Variants in SPATA16 observed in about 807,000 individuals in gnomAD.
The protein encoded by SPATA16 is spermatogenesis associated 16, also known as spermatogenesis-associated protein 16.
A neutral mutation model predicts 63.3 loss-of-function variants in SPATA16; 36 were observed. That is an observed-to-expected ratio of 0.57 (90% CI 0.44 to 0.75). The LOEUF (loss-of-function observed/expected upper bound fraction) is 0.75, where lower values mean the gene tolerates loss of function less well. Ranked by LOEUF, SPATA16 falls within the 30% of genes least tolerant of loss-of-function variation. The pLI, the probability that SPATA16 is intolerant of heterozygous loss-of-function variation, is 0.00. For missense variants in SPATA16, 646 were observed against 679.3 expected, an observed-to-expected ratio of 0.95 and a Z score of 0.54; for synonymous variants, 203 against 216.7, an observed-to-expected ratio of 0.94 and a Z score of 0.56.
At chr3:173,121,710 T>G (rs1033444425) in intron 1 of SPATA16, among the ~76,000 whole-genome samples, 5 of 152,230 alleles carry the variant, frequency 3.3e-5, no homozygotes, top group Admixed American at 6.5e-5. Context: ...AATCAACAGC[T>G]AATTTACACA....
chr3:173,125,297 C>G (rs1159411581), intron 1 of SPATA16, among the ~76,000 whole-genome samples: 1 of 152,114 alleles, frequency 6.6e-6, no homozygotes, highest in Non-Finnish European at 1.5e-5. Flanking sequence ...GATCAATACC[C>G]TCCTCCAGGG....
chr3:172,904,472 A>G (rs1188613489), intron 10 of SPATA16, among the ~76,000 whole-genome samples: 1 of 152,192 alleles, frequency 6.6e-6, no homozygotes, highest in Non-Finnish European at 1.5e-5. Context: ...GGGCCATGCC[A>G]TGATTTGACG....
chr3:172,963,542 G>T (rs1409816031), intron 5 of SPATA16, among the ~76,000 whole-genome samples: 1 of 151,918 alleles, frequency 6.6e-6, no homozygotes, highest in Non-Finnish European at 1.5e-5. Flanking sequence ...ACACATGCAT[G>T]TAATTGTGTA....
chr3:172,919,889 C>T (rs1732580692), intron 8 of SPATA16, among the ~76,000 whole-genome samples: 1 of 152,136 alleles, frequency 6.6e-6, no homozygotes. Context: ...GACAGAGTCT[C>T]ACCATGTTGG....
At chr3:172,954,183 C>G (rs929472490) in intron 6 of SPATA16, among the ~76,000 whole-genome samples, 1 of 152,194 alleles carries the variant, frequency 6.6e-6, no homozygotes, top group Non-Finnish European at 1.5e-5. Context: ...GTTTAATTGA[C>G]TCACAGTTCC....
chr3:173,042,473 C>T (rs550941770), intron 3 of SPATA16, among the ~76,000 whole-genome samples: 1 of 152,078 alleles, frequency 6.6e-6, no homozygotes, highest in Non-Finnish European at 1.5e-5. Context: ...CGATCCACCC[C>T]CCTTGGCCTC....
At chr3:173,074,742 G>A (rs761728515) in intron 2 of SPATA16, among the ~76,000 whole-genome samples, 1 of 152,068 alleles carries the variant, frequency 6.6e-6, no homozygotes, top group Non-Finnish European at 1.5e-5. Flanking sequence ...AGGGACAAGG[G>A]TTGAAAAACT....
chr3:172,938,299 G>GAAA (rs1733059867), intron 6 of SPATA16, among the ~76,000 whole-genome samples: 1 of 152,186 alleles, frequency 6.6e-6, no homozygotes, highest in Admixed American at 6.5e-5. Context: ...AAATTGTTAA[G>GAAA]TGGTTATTAA....
chr3:172,927,057 A>G (rs1386159216), intron 6 of SPATA16, among the ~76,000 whole-genome samples: 2 of 152,240 alleles, frequency 1.3e-5, no homozygotes, highest in Non-Finnish European at 2.9e-5. Context: ...AAAATAGTAC[A>G]CCACGAGTGT....
At chr3:172,910,320 C>T (rs1732341450) in intron 10 of SPATA16, among the ~76,000 whole-genome samples, 1 of 152,124 alleles carries the variant, frequency 6.6e-6, no homozygotes, top group African/African-American at 2.4e-5. Context: ...TCTTAAACTC[C>T]TGACCTCGTG....
chr3:173,000,163 C>A (rs145495472), intron 4 of SPATA16, among the ~76,000 whole-genome samples: 1 of 152,192 alleles, frequency 6.6e-6, no homozygotes, highest in African/African-American at 2.4e-5. Flanking sequence ...AAGTTCATTT[C>A]TGTTTTGCCC....
chr3:173,010,035 A>C (rs935266984), intron 4 of SPATA16, among the ~76,000 whole-genome samples: 17 of 152,196 alleles, frequency 1.1e-4, no homozygotes, highest in Admixed American at 2.6e-4. Context: ...GTGGCAGGGG[A>C]CCAATCAGAG....
chr3:173,130,358 CAAA>C (rs1202660573), intron 1 of SPATA16, among the ~76,000 whole-genome samples: 77 of 39,894 alleles, frequency 1.9e-3, no homozygotes, highest in African/African-American at 3.7e-3. Context: ...GACTTCGTCT[CAAA>C]AAAAAAAAAA....
At chr3:173,043,579 CTT>C (rs890265993) in intron 3 of SPATA16, among the ~76,000 whole-genome samples, 23 of 151,854 alleles carry the variant, frequency 1.5e-4, no homozygotes, top group African/African-American at 5.3e-4. Context: ...AAAATACAGT[CTT>C]TTATATTTAC....
At chr3:172,984,257 C>A (rs1245846462) in intron 4 of SPATA16, among the ~76,000 whole-genome samples, 4 of 152,140 alleles carry the variant, frequency 2.6e-5, no homozygotes, top group Non-Finnish European at 5.9e-5. Context: ...TTCTATCTGA[C>A]GACGCTGATC....
intron 2 of SPATA16, among the ~76,000 whole-genome samples, chr3:173,077,269 C>A (rs945704645): frequency 7.9e-5 from 12 of 151,860 alleles, no homozygotes; most frequent in African/African-American, 2.7e-4. Flanking sequence ...GTATACAGTT[C>A]ATAAGTTAGA....
intron 5 of SPATA16, among the ~76,000 whole-genome samples, chr3:172,961,000 C>A (rs1367972387): frequency 8.4e-6 from 1 of 119,058 alleles, no homozygotes; most frequent in East Asian, 2.6e-4. Flanking sequence ...TTTTTTCTTT[C>A]TCTTTCTTTC....
intron 2 of SPATA16, among the ~76,000 whole-genome samples, chr3:173,098,648 TA>T (rs1447297910): frequency 6.6e-6 from 1 of 152,046 alleles, no homozygotes; most frequent in Non-Finnish European, 1.5e-5. Flanking sequence ...TGATAAGTGT[TA>T]AAAAATGAAG....
intron 2 of SPATA16, among the ~76,000 whole-genome samples, chr3:173,059,368 C>A (rs1290732570): frequency 7.0e-6 from 1 of 142,684 alleles, no homozygotes; most frequent in East Asian, 2.0e-4. Context: ...TTTTTCTCTT[C>A]ATCTCCAATG....
Sources: allele counts gnomAD v4.1 joint callset (sites outside exome capture counted in the v4.1 genomes callset), GRCh38; gene constraint gnomAD v4.1.1; transcripts MANE v1.5; gene names NCBI Gene and HGNC (gene_info 2026-07-23, HGNC 2026-07-21).